The following COL24A1 variants were observed in gnomAD, a reference collection of about 807,000 sequenced individuals.
COL24A1 encodes collagen type XXIV alpha 1 chain.
Under a neutral mutation model 253.9 loss-of-function variants are expected in COL24A1, and 224 were observed. The ratio of observed to expected loss-of-function variants is 0.88; its 90% CI spans 0.79 to 0.99. COL24A1 has a LOEUF of 0.99. COL24A1 is among the 50% of genes least tolerant of loss of function. The pLI is 0.00. For synonymous variants in COL24A1, 685 were observed against 673.7 expected, an observed-to-expected ratio of 1.02 and a Z score of -0.26; for missense variants, 2,131 against 2,068.5, an observed-to-expected ratio of 1.03 and a Z score of -0.59.
At chr1:86,007,727 G>A (rs1165486530) in intron 19 of COL24A1, among the ~76,000 whole-genome samples, 2 of 152,146 alleles carry the variant, frequency 1.3e-5, no homozygotes, top group Non-Finnish European at 2.9e-5. Flanking sequence ...CATACTGTAC[G>A]ATTCCAACTG....
At chr1:85,841,447 G>A (rs947619277) in intron 41 of COL24A1, among the ~76,000 whole-genome samples, 169 bp from the exon 42 acceptor site, 8 of 152,094 alleles carry the variant, frequency 5.3e-5, no homozygotes, top group Non-Finnish European at 8.8e-5. Flanking sequence ...ATACAGAGTT[G>A]TAATTTGTAC....
chr1:86,056,494 C>T (rs1164302532), intron 10 of COL24A1, among the ~76,000 whole-genome samples: 1 of 152,188 alleles, frequency 6.6e-6, no homozygotes, highest in Non-Finnish European at 1.5e-5. Context: ...ATGTTTAATA[C>T]TTTTTTAAAA....
At chr1:85,912,663 A>G (rs901090493) in intron 24 of COL24A1, among the ~76,000 whole-genome samples, 1 of 152,212 alleles carries the variant, frequency 6.6e-6, no homozygotes, top group Admixed American at 6.5e-5. Flanking sequence ...CTTCACAACC[A>G]GCAGATATAG....
intron 28 of COL24A1, among the ~76,000 whole-genome samples, chr1:85,905,583 T>TAA (rs1684737438): frequency 6.6e-6 from 1 of 152,078 alleles, no homozygotes; most frequent in South Asian, 2.1e-4. Context: ...CTTGTCTGGA[T>TAA]ACTGGGTAAA....
intron 7 of COL24A1, among the ~76,000 whole-genome samples, chr1:86,073,696 A>G (rs369718576): frequency 6.6e-6 from 1 of 152,350 alleles, no homozygotes; most frequent in African/African-American, 2.4e-5. Flanking sequence ...AAATAAAGGA[A>G]AAAATGCTAA....
At chr1:85,890,741 C>A (rs925032655) in intron 31 of COL24A1, among the ~76,000 whole-genome samples, 2 of 151,748 alleles carry the variant, frequency 1.3e-5, no homozygotes, top group Admixed American at 6.6e-5. Flanking sequence ...TTCCTTTTTC[C>A]AAAAATAATA....
intron 43 of COL24A1, among the ~76,000 whole-genome samples, chr1:85,832,437 A>T (rs1328366983): frequency 6.6e-6 from 1 of 151,720 alleles, no homozygotes; most frequent in Non-Finnish European, 1.5e-5. Flanking sequence ...ATGAACTTTA[A>T]AGTAGTTTTT....
chr1:85,832,650 T>C (rs1675450060), intron 43 of COL24A1, among the ~76,000 whole-genome samples: 1 of 151,210 alleles, frequency 6.6e-6, no homozygotes, highest in Admixed American at 6.6e-5. Context: ...ACGTCCCTTG[T>C]AAGTTGGATT....
At chr1:85,994,422 A>AAAAC (rs1420916564) in intron 19 of COL24A1, among the ~76,000 whole-genome samples, 1 of 151,836 alleles carries the variant, frequency 6.6e-6, no homozygotes. Context: ...AAAAAAAAAA[A>AAAAC]AAAACTAGCC....
At chr1:85,888,885 T>C (rs1167517982) in intron 32 of COL24A1, among the ~76,000 whole-genome samples, 1 of 152,136 alleles carries the variant, frequency 6.6e-6, no homozygotes, top group African/African-American at 2.4e-5. Context: ...ATGCAGTTGT[T>C]TGAAAGACTA....
chr1:86,137,035 C>G (rs1440259861), intron 2 of COL24A1, among the ~76,000 whole-genome samples: 1 of 152,048 alleles, frequency 6.6e-6, no homozygotes, highest in African/African-American at 2.4e-5. Flanking sequence ...GAAAGGCTTT[C>G]ACTCAGAGGT....
chr1:86,115,219 T>C (rs1422682886), intron 4 of COL24A1, 106 bp downstream of exon 4: 4 of 1,082,368 alleles, frequency 3.7e-6, no homozygotes, highest in Non-Finnish European at 5.4e-6. Context: ...AGTTTGAAGA[T>C]CCAGGCAGGT....
intron 24 of COL24A1, among the ~76,000 whole-genome samples, chr1:85,948,999 C>G (rs1346401110): frequency 6.6e-6 from 1 of 152,114 alleles, no homozygotes; most frequent in Admixed American, 6.5e-5. Flanking sequence ...ACATTCTTTC[C>G]TGACATACTT....
intron 8 of COL24A1, among the ~76,000 whole-genome samples, chr1:86,061,238 T>C (rs921954457): frequency 2.0e-5 from 3 of 152,060 alleles, no homozygotes; most frequent in Admixed American, 2.0e-4. Context: ...TTTGCTCTAG[T>C]ATATTTACAA....
intron 14 of COL24A1, among the ~76,000 whole-genome samples, chr1:86,029,257 C>A (rs1018420285): frequency 6.6e-6 from 1 of 151,924 alleles, no homozygotes; most frequent in African/African-American, 2.4e-5. Context: ...TGGTACAGAC[C>A]AACGAAATTC....
At chr1:85,927,169 C>T (rs1196104510) in intron 24 of COL24A1, among the ~76,000 whole-genome samples, 1 of 152,130 alleles carries the variant, frequency 6.6e-6, no homozygotes, top group Non-Finnish European at 1.5e-5. Flanking sequence ...ATCTGAGGTA[C>T]CGGGTTCATC....
intron 53 of COL24A1, among the ~76,000 whole-genome samples, chr1:85,775,292 T>A (rs1668423764): frequency 6.6e-6 from 1 of 152,156 alleles, no homozygotes; most frequent in African/African-American, 2.4e-5. Flanking sequence ...CACTTCCAAT[T>A]ATGTGGTCAA....
In COL24A1 at chr1:85,893,717, T is replaced by C. The variant is rs79391127; in HGVS notation, c.2922+2141A>G. On this transcript the variant is annotated intron_variant, in intron 31 of 59. Transcript: ENST00000370571. ...AGCACTATATGTTGCCAGTTTTCAT[T>C]TAATTCCTGGCTTAAAATTATGAAA... Among the ~76,000 whole-genome samples the C allele has an allele frequency of 3.3e-4, 50 of 152,344 alleles. 1 individual carries two copies. The East Asian group carries it at 9.5e-3, about 29-fold the overall frequency.
chr1:86,152,160 T>C (rs1046328698), intron 1 of COL24A1, among the ~76,000 whole-genome samples: 2 of 152,206 alleles, frequency 1.3e-5, no homozygotes, highest in Non-Finnish European at 2.9e-5. Context: ...GTACTGTCAC[T>C]AACTTACTTG....
Sources: gnomAD v4.1 joint callset for allele counts (sites outside exome capture counted in the v4.1 genomes callset) on GRCh38, gnomAD v4.1.1 for gene constraint, MANE v1.5 for transcripts, NCBI Gene and HGNC (gene_info 2026-07-23, HGNC 2026-07-21) for gene names.